HDAC9: variants seen among roughly 807,000 people sequenced by gnomAD.
HDAC9 encodes the protein histone deacetylase 9.
Under a neutral mutation model 139.4 loss-of-function variants are expected in HDAC9, and 41 were observed. The ratio of observed to expected loss-of-function variants is 0.29; its 90% CI spans 0.23 to 0.38. The LOEUF is 0.38. Ranked by LOEUF, HDAC9 falls within the 10% of genes least tolerant of loss-of-function variation. The probability of loss-of-function intolerance (pLI) is 1.00; values close to 1 mark genes in which losing one functional copy is unlikely to be tolerated. For synonymous variants in HDAC9, 517 were observed against 476.2 expected (o/e 1.09, Z -1.12); for missense variants, 1,147 against 1,297.0 (o/e 0.88, Z 1.78).
intron 15 of HDAC9, 84 bp from the exon 16 acceptor site, chr7:18,767,022 T>A: frequency 1.7e-6 from 1 of 588,060 alleles, no homozygotes; most frequent in East Asian, 3.2e-5. Context: ...ATGTGACATA[T>A]TATTATGTGT....
intron 14 of HDAC9, among the ~76,000 whole-genome samples, chr7:18,755,397 T>C (rs911893144): frequency 9.9e-5 from 15 of 152,108 alleles, no homozygotes; most frequent in African/African-American, 3.6e-4. Flanking sequence ...TACAGAGCTT[T>C]TGAAACAGCA....
At position 18,998,125 on chromosome 7, in the gene HDAC9, T is replaced by G. The variant is rs1786568317; in HGVS notation, c.*2063T>G. On this transcript the variant is annotated 3_prime_UTR_variant, in exon 26 of 26. Coordinates refer to ENST00000686413, the MANE Select transcript of HDAC9 (RefSeq NM_178425.4). ...GGCTTAACAAAAGACTCTCCCCCAT[T>G]TTAAAAAGGAAACTCATGTTTTAAT... The G allele has an allele frequency of 6.6e-6, 1 of 152,136 alleles. No individual in the cohort carries two copies. The allele number at this position is 152,136 out of a possible 1,614,324, so 9.4% of individuals were successfully genotyped here.
At chr7:18,914,375 G>T (rs545498545) in intron 22 of HDAC9, among the ~76,000 whole-genome samples, 1 of 151,916 alleles carries the variant, frequency 6.6e-6, no homozygotes, top group East Asian at 2.0e-4. Flanking sequence ...CAATGTGGAA[G>T]TAACTAGCAC....
chr7:18,961,921 T>G (rs1025348044), intron 24 of HDAC9, among the ~76,000 whole-genome samples: 2 of 152,184 alleles, frequency 1.3e-5, no homozygotes, highest in African/African-American at 4.8e-5. Context: ...TTGCAATTTT[T>G]GGGTTGAGTT....
rs183768416 is a variant in HDAC9 at position 18,591,942 on chromosome 7, A to G, written c.542+300A>G. Among the ~76,000 whole-genome samples the G allele has an allele frequency of 3.9e-5, 6 of 152,326 alleles. No individual in the cohort carries two copies. The East Asian group carries it at 7.7e-4, about 20-fold the overall frequency. On this transcript the variant is annotated intron_variant, in intron 5 of 25. Transcript: ENST00000686413. ...GGCAAGGAAGTATATATGTTCTTTG[A>G]TGAATGAATAACTGACAAATGTGAG... is the stretch of plus-strand genomic sequence containing the variant.
At chr7:18,257,913 G>A (rs560448321) in intron 2 of HDAC9, among the ~76,000 whole-genome samples, 7 of 152,286 alleles carry the variant, frequency 4.6e-5, no homozygotes, top group South Asian at 2.1e-4. Context: ...ACTTAGAGCC[G>A]GGCCAGTCAG....
chr7:18,380,036 T>C (rs1180474938), intron 1 of HDAC9, among the ~76,000 whole-genome samples: 4 of 152,310 alleles, frequency 2.6e-5, no homozygotes, highest in South Asian at 2.1e-4. Flanking sequence ...CTAAAACCAA[T>C]TGAGTTCTTA....
intron 21 of HDAC9, among the ~76,000 whole-genome samples, chr7:18,852,444 T>C (rs1001805270): frequency 6.6e-6 from 1 of 152,142 alleles, no homozygotes; most frequent in Non-Finnish European, 1.5e-5. Context: ...CAGGCCTGAT[T>C]TGTGGGTGTT....
At chr7:18,865,059 CA>C (rs778957400) in intron 21 of HDAC9, among the ~76,000 whole-genome samples, 4 of 152,046 alleles carry the variant, frequency 2.6e-5, no homozygotes, top group African/African-American at 4.8e-5. Context: ...ACAAACAAAA[CA>C]ACAACAACAA....
At chr7:18,824,960 A>G (rs896838995) in intron 17 of HDAC9, among the ~76,000 whole-genome samples, 3 of 152,236 alleles carry the variant, frequency 2.0e-5, no homozygotes, top group East Asian at 1.9e-4. Flanking sequence ...AAGGGGATGG[A>G]GAAAAGATAG....
intron 2 of HDAC9, among the ~76,000 whole-genome samples, chr7:18,276,464 T>G (rs1397070573): frequency 6.6e-6 from 1 of 152,228 alleles, no homozygotes; most frequent in Non-Finnish European, 1.5e-5. Flanking sequence ...GATATTATTT[T>G]AACACATCTT....
At chr7:18,679,665 G>A (rs902151194) in intron 12 of HDAC9, among the ~76,000 whole-genome samples, 11 of 148,968 alleles carry the variant, frequency 7.4e-5, no homozygotes, top group Admixed American at 6.7e-5. Flanking sequence ...TTATTAGACC[G>A]TGTTCTGTTA....
chr7:18,372,456 C>G (rs1395390012), intron 1 of HDAC9, among the ~76,000 whole-genome samples: 1 of 152,158 alleles, frequency 6.6e-6, no homozygotes, highest in Non-Finnish European at 1.5e-5. Context: ...TTTTCCAGGA[C>G]TGTATTTTCC....
At chr7:18,317,943 T>C (rs1480172040) in intron 1 of HDAC9, among the ~76,000 whole-genome samples, 1 of 152,148 alleles carries the variant, frequency 6.6e-6, no homozygotes, top group Non-Finnish European at 1.5e-5. Context: ...TTTAAAATGG[T>C]TGGTAAGAGT....
intron 11 of HDAC9, among the ~76,000 whole-genome samples, chr7:18,654,478 A>G (rs998940940): frequency 6.6e-6 from 1 of 151,878 alleles, no homozygotes; most frequent in African/African-American, 2.4e-5. Context: ...AACCTTAACA[A>G]CTCACTCTTT....
chr7:18,978,252 G>T (rs979840428), intron 25 of HDAC9, among the ~76,000 whole-genome samples: 2 of 152,116 alleles, frequency 1.3e-5, no homozygotes, highest in African/African-American at 2.4e-5. Flanking sequence ...GGAGTGAGAT[G>T]ACTCATTTCA....
At chr7:18,664,217 T>C (rs1794110887) in intron 11 of HDAC9, among the ~76,000 whole-genome samples, 1 of 152,130 alleles carries the variant, frequency 6.6e-6, no homozygotes. Context: ...TAAAATATAC[T>C]TAAAGTCATC....
At chr7:18,613,970 G>T (rs945051483) in intron 6 of HDAC9, among the ~76,000 whole-genome samples, 4 of 151,884 alleles carry the variant, frequency 2.6e-5, no homozygotes, top group Non-Finnish European at 5.9e-5. Flanking sequence ...GAAACCTGAG[G>T]TTCCTGAGGT....
At chr7:18,749,734 A>G (rs1788285260) in intron 14 of HDAC9, among the ~76,000 whole-genome samples, 1 of 152,194 alleles carries the variant, frequency 6.6e-6, no homozygotes, top group African/African-American at 2.4e-5. Context: ...GTTAAAAACA[A>G]CAGTCATATC....
Sources: allele counts gnomAD v4.1 joint callset (sites outside exome capture counted in the v4.1 genomes callset), GRCh38; gene constraint gnomAD v4.1.1; transcripts MANE v1.5; gene names NCBI Gene and HGNC (gene_info 2026-07-23, HGNC 2026-07-21).